GMDS: variants seen among roughly 807,000 people sequenced by gnomAD.
GMDS encodes the protein GDP-mannose 4,6 dehydratase.
In GMDS, 20 loss-of-function variants were observed where a neutral mutation model predicts 49.9. The observed-to-expected ratio is 0.40, with a 90% CI of 0.28 to 0.58. The LOEUF (loss-of-function observed/expected upper bound fraction) is 0.58. Among genes scored for constraint, GMDS ranks in the 20% least tolerant of loss-of-function variants. GMDS has a pLI of 0.42. For synonymous variants in GMDS, 177 were observed against 178.6 expected (o/e 0.99, Z 0.07); for missense variants, 362 against 481.4 (o/e 0.75, Z 2.32).
At chr6:1,835,047 T>G (rs1756860013) in intron 7 of GMDS, among the ~76,000 whole-genome samples, 1 of 152,200 alleles carries the variant, frequency 6.6e-6, no homozygotes, top group Non-Finnish European at 1.5e-5. Context: ...TATTAATTAG[T>G]TCTCTACTGA....
chr6:2,197,378 T>C (rs759012050), intron 1 of GMDS, among the ~76,000 whole-genome samples: 25 of 152,156 alleles, frequency 1.6e-4, no homozygotes, highest in Non-Finnish European at 3.7e-4. Context: ...AAAGACTAGT[T>C]TCCTGAGGAA....
In GMDS at chr6:1,930,361, T is replaced by A; in HGVS notation, c.644-131A>T. On this transcript the variant is annotated intron_variant, in intron 6 of 10. Coordinates refer to ENST00000380815, the MANE Select transcript of GMDS (RefSeq NM_001500.4). ...ACTCCCAGCCACCCTGTTAAAACAA[T>A]AAAAGAAAAGAAAAAGAGAAAAGAT... The A allele has an allele frequency of 4.8e-6, 3 of 619,676 alleles. No homozygotes were observed. The highest frequency in any genetic ancestry group is 5.5e-6 in the Non-Finnish European group (2 of 363,798). 38.4% of individuals were successfully genotyped at this position (619,676 alleles called of 1,614,324 possible).
chr6:2,100,640 T>G (rs139208858), intron 4 of GMDS, among the ~76,000 whole-genome samples: 2 of 152,126 alleles, frequency 1.3e-5, no homozygotes, highest in East Asian at 3.9e-4. Context: ...TAATAAAAAC[T>G]AAATGACAGC....
intron 7 of GMDS, among the ~76,000 whole-genome samples, chr6:1,926,797 A>C (rs1762029283): frequency 6.6e-6 from 1 of 152,246 alleles, no homozygotes; most frequent in Admixed American, 6.5e-5. Flanking sequence ...TTTGTTCAGA[A>C]CACATAAATG....
chr6:2,102,014 A>C (rs1383005976), intron 4 of GMDS, among the ~76,000 whole-genome samples: 1 of 152,168 alleles, frequency 6.6e-6, no homozygotes, highest in East Asian at 1.9e-4. Context: ...TGTGAAAGTT[A>C]AAGTAAGTAA....
At chr6:2,216,465 A>G (rs1259756499) in intron 1 of GMDS, among the ~76,000 whole-genome samples, 3 of 152,346 alleles carry the variant, frequency 2.0e-5, no homozygotes, top group Non-Finnish European at 2.9e-5. Context: ...ATGAACCTCT[A>G]AGATTACATG....
At chr6:2,086,549 G>A (rs1332171872) in intron 4 of GMDS, among the ~76,000 whole-genome samples, 7 of 152,204 alleles carry the variant, frequency 4.6e-5, no homozygotes, top group African/African-American at 1.4e-4. Context: ...CAAAGCTGCC[G>A]TTCTGCAGCT....
rs1231258874 is a variant in GMDS at position 1,766,312 on chromosome 6, T to A, written c.772-23726A>T. ...CCACAGAACTTTCGAGGCAGCAGATTCATTTGGGCTTCAGGAAACGCGGTG... is the reference window on the plus strand; with the variant it reads ...CCACAGAACTTTCGAGGCAGCAGATACATTTGGGCTTCAGGAAACGCGGTG... On this transcript the variant is annotated intron_variant, in intron 7 of 10. Transcript: ENST00000380815. This position sits in a 1 kb window ranked among gnomAD's most constrained non-coding sequence, Gnocchi z 4.5. 6.6e-6 allele frequency among the ~76,000 whole-genome samples: 1 copy of A among 152,098 alleles called. No homozygotes were observed. The highest frequency in any genetic ancestry group is 1.9e-4 in the East Asian group (1 of 5,192).
At chr6:1,999,980 ATTTT>A (rs1226619178) in intron 4 of GMDS, among the ~76,000 whole-genome samples, 1 of 18,710 alleles carries the variant, frequency 5.3e-5, no homozygotes, top group South Asian at 1.6e-3. Flanking sequence ...TTATATATAT[ATTTT>A]ATATATATAT....
intron 9 of GMDS, among the ~76,000 whole-genome samples, chr6:1,710,611 C>A (rs530952250): frequency 7.0e-6 from 1 of 143,208 alleles, no homozygotes; most frequent in Admixed American, 6.8e-5. Flanking sequence ...GGAATGGTCC[C>A]CCTAGACCTG....
chr6:2,117,547 T>C lies in GMDS; in HGVS notation c.157A>G (p.Ile53Val), dbSNP rs763725229. 6.3e-7 allele frequency: 1 copy of C among 1,597,184 alleles called. No homozygotes were observed. The change falls in exon 3 of 11, where the codon ATT (isoleucine) becomes GTT (valine). Residue 53 changes from isoleucine to valine, a missense_variant. Physicochemically the swap from Ile to Val is conservative, Grantham distance 29. Transcript: ENST00000380815. ...TTAAATGAACTGGACCGCCGTACAATTCCATGGACCTGAGTTTTTACAGTG... is the reference window on the plus strand; with the variant it reads ...TTAAATGAACTGGACCGCCGTACAACTCCATGGACCTGAGTTTTTACAGTG... The part of the protein sequence containing the change: ...LLEKGYEVHG[I>V]VRRSSSFNTG...
chr6:2,063,657 G>C (rs1312724708), intron 4 of GMDS, among the ~76,000 whole-genome samples: 1 of 152,190 alleles, frequency 6.6e-6, no homozygotes, highest in East Asian at 1.9e-4. Flanking sequence ...CAATAAAAGA[G>C]GTGAATGCCA....
chr6:2,122,576 C>CT (rs1775199664), intron 2 of GMDS, among the ~76,000 whole-genome samples: 1 of 152,222 alleles, frequency 6.6e-6, no homozygotes, highest in Admixed American at 6.5e-5. Flanking sequence ...AAAAATTACT[C>CT]TAACATTTAC....
At chr6:2,034,095 CAT>C (rs559708882) in intron 4 of GMDS, among the ~76,000 whole-genome samples, 6 of 152,150 alleles carry the variant, frequency 3.9e-5, no homozygotes, top group Admixed American at 3.3e-4. Context: ...TATGTATATG[CAT>C]ATATGTGTGT....
intron 4 of GMDS, among the ~76,000 whole-genome samples, chr6:2,045,048 T>G (rs1769917913): frequency 6.6e-6 from 1 of 152,204 alleles, no homozygotes; most frequent in Admixed American, 6.5e-5. Context: ...AGAACTTTGT[T>G]TTCACAATTG....
chr6:1,786,031 G>GA (rs947347353), intron 7 of GMDS, among the ~76,000 whole-genome samples: 14 of 151,782 alleles, frequency 9.2e-5, no homozygotes, highest in East Asian at 5.8e-4. Context: ...AGCGGTAAAG[G>GA]AAAAAAAAAT....
chr6:2,122,794 T>C (rs1337244562), intron 2 of GMDS, among the ~76,000 whole-genome samples: 2 of 152,236 alleles, frequency 1.3e-5, no homozygotes, highest in Non-Finnish European at 2.9e-5. Flanking sequence ...TGATTATGCT[T>C]TGTGGCTGTG....
At chr6:1,727,775 G>A (rs1445667465) in intron 8 of GMDS, among the ~76,000 whole-genome samples, 1 of 152,140 alleles carries the variant, frequency 6.6e-6, no homozygotes, top group South Asian at 2.1e-4. Context: ...CACCGTTGGA[G>A]GAATAATCAG....
intron 7 of GMDS, among the ~76,000 whole-genome samples, chr6:1,846,544 T>C (rs540307217): frequency 6.6e-6 from 1 of 152,272 alleles, no homozygotes; most frequent in Admixed American, 6.5e-5. Flanking sequence ...ATGGGAAAAC[T>C]CTAAGAGGCT....
Sources: gnomAD v4.1 joint callset for allele counts (sites outside exome capture counted in the v4.1 genomes callset) on GRCh38, gnomAD v4.1.1 for gene constraint, Gnocchi (gnomAD v3.1) non-coding constraint, MANE v1.5 for transcripts, NCBI Gene and HGNC (gene_info 2026-07-23, HGNC 2026-07-21) for gene names.